MEGF9: variants seen among roughly 807,000 people sequenced by gnomAD.
MEGF9 encodes the protein multiple EGF like domains 9, also known as multiple epidermal growth factor-like domains protein 9.
A neutral mutation model predicts 46.8 loss-of-function variants in MEGF9; 6 were observed. The observed-to-expected ratio is 0.13, with a 90% CI of 0.07 to 0.25. The LOEUF is 0.25. Among genes scored for constraint, MEGF9 ranks in the 10% least tolerant of loss-of-function variants. MEGF9 has a pLI of 1.00. For missense variants in MEGF9, 683 were observed against 792.4 expected (o/e 0.86, Z 1.66); for synonymous variants, 302 against 330.7 (o/e 0.91, Z 0.94).
rs188901083 is a variant in MEGF9, at chr9:120,603,948, T to C, written c.*1242A>G. 3 of 152,812 alleles carry C rather than the reference T, an allele frequency of 2.0e-5. No homozygotes were observed. Among genetic ancestry groups the C allele is most frequent in the South Asian group, 4.1e-4 (2 of 4,830 alleles). The allele number at this position is 152,812 out of a possible 1,614,324, so 9.5% of individuals were successfully genotyped here. ...TGAAAACTACAGATCCCAAGTAATA[T>C]GATGGCTTTTCTCTTGGAACTAAAA... On this transcript the variant is annotated 3_prime_UTR_variant, in exon 6 of 6. Transcript: ENST00000373930.
At chr9:120,659,243 A>C in intron 2 of MEGF9, 131 bp downstream of exon 2, 1 of 569,406 alleles carries the variant, frequency 1.8e-6, no homozygotes, top group Non-Finnish European at 2.9e-6. Context: ...GAATAAAAGT[A>C]TATAAAATAT....
Position 120,673,832 on chromosome 9 carries a change from C to T in MEGF9, c.602-14257G>A, listed in dbSNP as rs891702245. 5.9e-5 allele frequency among the ~76,000 whole-genome samples: 9 copies of T among 151,728 alleles called. No homozygotes were observed. The East Asian group carries it at 1.4e-3, about 23-fold the overall frequency. On this transcript the variant is annotated intron_variant, in intron 1 of 5. Transcript: ENST00000373930. ...AAAAATACAAAAAATTAGCTGGGCG[C>T]GGTGGCAGGCACCTGGAATCCCAGC...
chr9:120,707,457 A>G (rs549547352), intron 1 of MEGF9, among the ~76,000 whole-genome samples: 23 of 152,362 alleles, frequency 1.5e-4, no homozygotes, highest in African/African-American at 5.1e-4. Flanking sequence ...AGATATCTTA[A>G]TGTGTTTGAT....
intron 1 of MEGF9, among the ~76,000 whole-genome samples, chr9:120,664,091 A>T (rs2043714530): frequency 6.6e-6 from 1 of 152,298 alleles, no homozygotes; most frequent in East Asian, 1.9e-4. Flanking sequence ...TACAAGTCCC[A>T]TAAGTTCCCC....
At chr9:120,692,244 TCAAGAGGTCCAG>T (rs2043851701) in intron 1 of MEGF9, among the ~76,000 whole-genome samples, 1 of 152,198 alleles carries the variant, frequency 6.6e-6, no homozygotes, top group African/African-American at 2.4e-5. Flanking sequence ...ATCAGATCCA[TCAAGAGGTCCAG>T]CACCAATTGG....
At chr9:120,652,364 C>T (rs1402621413) in intron 2 of MEGF9, among the ~76,000 whole-genome samples, 4 of 149,882 alleles carry the variant, frequency 2.7e-5, no homozygotes, top group Admixed American at 6.7e-5. Context: ...GTGGTCCCAG[C>T]TACTTGGGAG....
intron 1 of MEGF9, among the ~76,000 whole-genome samples, chr9:120,679,369 C>A (rs960701886): frequency 6.6e-6 from 1 of 151,048 alleles, no homozygotes; most frequent in Non-Finnish European, 1.5e-5. Flanking sequence ...CAAACTATCA[C>A]AAGGACAGAA....
chr9:120,625,817 G>A (rs1286570965), intron 2 of MEGF9, among the ~76,000 whole-genome samples: 6 of 125,716 alleles, frequency 4.8e-5, no homozygotes, highest in South Asian at 5.0e-4. Flanking sequence ...CTGGGTGACA[G>A]CAAGACTCTG....
At chr9:120,651,115 T>C (rs911589624) in intron 2 of MEGF9, among the ~76,000 whole-genome samples, 7 of 152,232 alleles carry the variant, frequency 4.6e-5, no homozygotes, top group African/African-American at 1.7e-4. Flanking sequence ...ATATTGCAAT[T>C]GGTATTTGTT....
chr9:120,607,707 T>C, intron 5 of MEGF9, 34 bp downstream of exon 5: 1 of 1,599,882 alleles, frequency 6.3e-7, no homozygotes, highest in Non-Finnish European at 8.6e-7. Context: ...TAGTTTTAGA[T>C]ATTAAATTTA....
intron 1 of MEGF9, among the ~76,000 whole-genome samples, chr9:120,668,866 T>C (rs774033978): frequency 3.9e-5 from 6 of 152,160 alleles, no homozygotes; most frequent in Non-Finnish European, 2.9e-5. Flanking sequence ...AAGAAGAGAC[T>C]GAAGCCCAAA....
intron 2 of MEGF9, among the ~76,000 whole-genome samples, chr9:120,658,653 T>A (rs921789769): frequency 6.6e-6 from 1 of 152,214 alleles, no homozygotes; most frequent in African/African-American, 2.4e-5. Flanking sequence ...TCATTATTTT[T>A]TTCATTATTT....
At chr9:120,643,559 T>C (rs2043612091) in intron 2 of MEGF9, among the ~76,000 whole-genome samples, 2 of 152,318 alleles carry the variant, frequency 1.3e-5, no homozygotes, top group African/African-American at 2.4e-5. Flanking sequence ...TAAATAATAC[T>C]GTCTATACTC....
chr9:120,605,175 A>T lies in MEGF9; in HGVS notation c.*15T>A, dbSNP rs1225262573. Reference sequence around the variant, plus strand: ...CAAGCACTGTGGTTTAACAATTCAGAACAGTTCTAGCTCCTTAGGCTTTGT... The same window carrying T: ...CAAGCACTGTGGTTTAACAATTCAGTACAGTTCTAGCTCCTTAGGCTTTGT... On this transcript the variant is annotated 3_prime_UTR_variant, in exon 6 of 6. Coordinates refer to ENST00000373930, the MANE Select transcript of MEGF9 (RefSeq NM_001080497.3). The surrounding 1 kb of genome is among the most constrained non-coding windows in gnomAD (Gnocchi z 4.0). 6.3e-7 allele frequency: 1 copy of T among 1,599,800 alleles called. No homozygotes were observed. Among genetic ancestry groups the T allele is most frequent in the South Asian group, 1.1e-5 (1 of 88,574 alleles).
chr9:120,671,376 A>G (rs1194173710), intron 1 of MEGF9, among the ~76,000 whole-genome samples: 4 of 152,230 alleles, frequency 2.6e-5, no homozygotes. Context: ...AGCCAGAGTA[A>G]GCCCAAGAGA....
chr9:120,681,499 G>A (rs1037309428), intron 1 of MEGF9, among the ~76,000 whole-genome samples: 12 of 152,164 alleles, frequency 7.9e-5, no homozygotes, highest in Admixed American at 4.6e-4. Flanking sequence ...TGGGGTTGGG[G>A]GAGGGATGGC....
intron 2 of MEGF9, among the ~76,000 whole-genome samples, chr9:120,622,982 A>G (rs1364921506): frequency 6.6e-6 from 1 of 152,244 alleles, no homozygotes; most frequent in Non-Finnish European, 1.5e-5. Context: ...TTTTACAGAA[A>G]ATTTAAAATG....
chr9:120,682,687 A>G (rs2043804047), intron 1 of MEGF9, among the ~76,000 whole-genome samples: 1 of 152,314 alleles, frequency 6.6e-6, no homozygotes, highest in South Asian at 2.1e-4. Context: ...GGCTCAGGCC[A>G]TCCTCCTACC....
chr9:120,608,381 T>C (rs1285859659), intron 4 of MEGF9, among the ~76,000 whole-genome samples: 1 of 152,218 alleles, frequency 6.6e-6, no homozygotes, highest in African/African-American at 2.4e-5. Flanking sequence ...GTCTGAATGA[T>C]TATGATGGGT....
Sources: gnomAD v4.1 joint callset for allele counts (sites outside exome capture counted in the v4.1 genomes callset) on GRCh38, gnomAD v4.1.1 for gene constraint, Gnocchi (gnomAD v3.1) non-coding constraint, MANE v1.5 for transcripts, NCBI Gene and HGNC (gene_info 2026-07-23, HGNC 2026-07-21) for gene names.